Variants in MYO7A observed in about 807,000 individuals in gnomAD.
MYO7A encodes myosin VIIA.
A neutral mutation model predicts 263.8 loss-of-function variants in MYO7A; 210 were observed. That is an observed-to-expected ratio of 0.80 (90% CI 0.71 to 0.89). The LOEUF (loss-of-function observed/expected upper bound fraction) is 0.89, where lower values mean the gene tolerates loss of function less well. Ranked by LOEUF, MYO7A falls within the 40% of genes least tolerant of loss-of-function variation. MYO7A has a pLI of 0.00. For missense variants in MYO7A, 2,820 were observed against 2,968.3 expected, an observed-to-expected ratio of 0.95 and a Z score of 1.16; for synonymous variants, 1,239 against 1,197.3, an observed-to-expected ratio of 1.03 and a Z score of -0.72.
chr11:77,213,988 G>A lies in MYO7A; in HGVS notation c.6558+9G>A, dbSNP rs111033184. The A allele has an allele frequency of 9.6e-5, 155 of 1,613,930 alleles. No homozygotes were observed. In the African/African-American group the frequency reaches 1.2e-3, roughly 12 times the overall value. On this transcript the variant is annotated intron_variant, in intron 48 of 48. Transcript: ENST00000409709. The stretch of plus-strand genomic sequence containing the variant: ...TCTGCGAGACGTCACTGGTGAGGGC[G>A]CATCCTGCTGGGCCTAGTGGGCTCC...
intron 2 of MYO7A, among the ~76,000 whole-genome samples, chr11:77,136,047 T>C (rs1437455272): frequency 6.6e-6 from 1 of 152,244 alleles, no homozygotes; most frequent in East Asian, 1.9e-4. Flanking sequence ...CAATGTCTTT[T>C]AATCTTTAGC....
intron 31 of MYO7A, among the ~76,000 whole-genome samples, chr11:77,193,486 GTGA>G (rs1250380172): frequency 1.4e-5 from 2 of 147,520 alleles, no homozygotes; most frequent in Non-Finnish European, 3.0e-5. Flanking sequence ...GATGATGGTG[GTGA>G]TGGTGGAGGC....
At chr11:77,193,518 A>G (rs1253218156) in intron 31 of MYO7A, among the ~76,000 whole-genome samples, 1 of 135,334 alleles carries the variant, frequency 7.4e-6, no homozygotes, top group Non-Finnish European at 1.6e-5. Flanking sequence ...TGTTGGTGAT[A>G]GTGTTGGCAG....
chr11:77,201,596 G>A lies in MYO7A; in HGVS notation c.5001G>A (p.Val1667=), dbSNP rs775277002. The A allele has an allele frequency of 1.2e-5, 19 of 1,613,800 alleles. No homozygotes were observed. The highest frequency in any genetic ancestry group is 5.3e-5 in the African/African-American group (4 of 74,936). ...KQRGDFPTDS[V]YVMPTVTMPP... ...GTGGGGACTTCCCCACCGACAGTGT[G>A]TACGTCATGCCCACTGTCACCATGC... Residue 1667 remains valine (V), a synonymous_variant, in exon 36 of 49, where the codon GTG becomes GTA. Transcript: ENST00000409709.
At chr11:77,176,002 C>G (rs921266342) in intron 18 of MYO7A, among the ~76,000 whole-genome samples, 1 of 152,344 alleles carries the variant, frequency 6.6e-6, no homozygotes, top group South Asian at 2.1e-4. Flanking sequence ...GAGTCACAGC[C>G]TTGGAGACAT....
At chr11:77,190,547 T>C in intron 29 of MYO7A, 150 bp from the exon 30 acceptor site, 10 of 825,292 alleles carry the variant, frequency 1.2e-5, no homozygotes, top group Non-Finnish European at 1.8e-5. Context: ...CCTGGACACC[T>C]GTGACAGGGA....
chr11:77,130,033 A>G (rs1299593521), intron 1 of MYO7A, among the ~76,000 whole-genome samples: 1 of 150,838 alleles, frequency 6.6e-6, no homozygotes, highest in Non-Finnish European at 1.5e-5. Flanking sequence ...GACAGACCCC[A>G]ATGACCCTGC....
At chr11:77,201,700 C>A in intron 36 of MYO7A, 62 bp downstream of exon 36, 1 of 1,522,182 alleles carries the variant, frequency 6.6e-7, no homozygotes, top group Non-Finnish European at 9.0e-7. Flanking sequence ...TTGTCCACTT[C>A]CCACAGCTGT....
At position 77,198,558 on chromosome 11, in the gene MYO7A, A is replaced by G. The variant is rs757460257; in HGVS notation, c.4505A>G (p.Asp1502Gly). The change falls in exon 34 of 49, where the codon GAT becomes GGT. Residue 1502 changes from aspartate (D) to glycine (G), a missense_variant. By Grantham distance (94) the Asp-to-Gly change is moderately conservative. Transcript: ENST00000409709. ...AVNWTGVYFV[D>G]EQEQVLLELS... ...AACTGGACGGGTGTGTACTTTGTGGATGAGCAGGAGCAGGTACTTCTGGAG... is the reference window on the plus strand; with the variant it reads ...AACTGGACGGGTGTGTACTTTGTGGGTGAGCAGGAGCAGGTACTTCTGGAG... The G allele has an allele frequency of 5.6e-6, 9 of 1,613,818 alleles. No homozygotes were observed. The South Asian group carries it at 8.8e-5, about 16-fold the overall frequency.
In MYO7A at chr11:77,160,255, A is replaced by G. The variant is rs1285672772; in HGVS notation, c.1173A>G (p.Ala391=). 2.5e-6 allele frequency: 4 copies of G among 1,574,970 alleles called. No homozygotes were observed. The highest frequency in any genetic ancestry group is 1.8e-5 in the Admixed American group (1 of 54,732). ...CCACCCCACTGAGCAGGGAACAGGC[A>G]CTGGACGTGCGCGACGCCTTCGTAA... is the stretch of plus-strand genomic sequence containing the variant. ...TVSTPLSREQ[A]LDVRDAFVKG... is the part of the protein sequence containing the mutation. The change falls in exon 11 of 49, where the codon GCA becomes GCG. Residue 391 remains alanine, a synonymous_variant. Transcript: ENST00000409709.
At chr11:77,181,079 G>A (rs1228314006) in intron 22 of MYO7A, among the ~76,000 whole-genome samples, 2 of 152,244 alleles carry the variant, frequency 1.3e-5, no homozygotes, top group Admixed American at 1.3e-4. Flanking sequence ...GGCAACACTG[G>A]TCTAGAGCCT....
At chr11:77,174,665 C>A in intron 16 of MYO7A, 91 bp from the exon 17 acceptor site, 1 of 1,408,854 alleles carries the variant, frequency 7.1e-7, no homozygotes, top group South Asian at 1.3e-5. Context: ...CTTGGCCTTT[C>A]TGAGCCTTTG....
intron 2 of MYO7A, among the ~76,000 whole-genome samples, chr11:77,141,457 T>G (rs1033334947): frequency 4.6e-5 from 7 of 152,202 alleles, no homozygotes; most frequent in African/African-American, 1.7e-4. Context: ...TGTTACATTT[T>G]TTTTTACTTG....
At position 77,155,924 on chromosome 11, in the gene MYO7A, C is replaced by T. The variant is rs1555061440; in HGVS notation, c.303C>T (p.Ile101=). Residue 101 remains isoleucine (I), a synonymous_variant, in exon 5 of 49, where the codon ATC becomes ATT. Coordinates refer to ENST00000409709, the MANE Select transcript of MYO7A (RefSeq NM_000260.4). The part of the protein sequence containing the change: ...DHLIYTYTGS[I]LVAVNPYQLL... ...GCCCGCAGACGTATACGGGCTCCAT[C>T]CTGGTGGCTGTGAACCCCTACCAGC... is the stretch of plus-strand genomic sequence containing the variant. 6.2e-7 allele frequency: 1 copy of T among 1,607,136 alleles called. No individual in the cohort carries two copies. Among genetic ancestry groups the T allele is most frequent in the Non-Finnish European group, 8.5e-7 (1 of 1,176,112 alleles).
chr11:77,137,871 A>G (rs573338012), intron 2 of MYO7A, among the ~76,000 whole-genome samples: 5 of 152,310 alleles, frequency 3.3e-5, no homozygotes, highest in Non-Finnish European at 7.4e-5. Context: ...CTCACTCCCC[A>G]GAGGCAGCCA....
chr11:77,183,155 G>T lies in MYO7A; in HGVS notation c.3373G>T (p.Glu1125Ter). 6.4e-7 allele frequency: 1 copy of T among 1,551,712 alleles called. No homozygotes were observed. Among genetic ancestry groups the T allele is most frequent in the Non-Finnish European group, 8.7e-7 (1 of 1,147,390 alleles). The change falls in exon 26 of 49, where the codon GAG becomes TAG. Residue 1125 changes from glutamate (E) to a stop codon, truncating the protein, a stop_gained and splice_region_variant. Coordinates refer to ENST00000409709, the MANE Select transcript of MYO7A (RefSeq NM_000260.4). LOFTEE classifies it high-confidence loss of function. ...GAAAAAGAAGTCCAAGCTCACAGAG[G>T]AGGTGAGGGCAGACGCTGGGGGTCT... is the stretch of plus-strand genomic sequence containing the variant. The part of the protein sequence containing the change: ...TLKKKSKLTE[E>*]VTKRLHDGES...
chr11:77,167,766 A>G (rs1201583146), intron 15 of MYO7A, among the ~76,000 whole-genome samples: 1 of 151,974 alleles, frequency 6.6e-6, no homozygotes, highest in African/African-American at 2.4e-5. Flanking sequence ...TTCTGAAACA[A>G]TCCACACACC....
intron 2 of MYO7A, among the ~76,000 whole-genome samples, chr11:77,137,998 C>T (rs1159148001): frequency 6.6e-6 from 1 of 152,170 alleles, no homozygotes; most frequent in Non-Finnish European, 1.5e-5. Flanking sequence ...TAGAAAAAAA[C>T]ATGACGATTT....
At position 77,212,957 on chromosome 11, in the gene MYO7A, T is replaced by C. The variant is rs781141265; in HGVS notation, c.6360T>C (p.Thr2120=). 6.3e-7 allele frequency: 1 copy of C among 1,592,758 alleles called. No individual in the cohort carries two copies. Among genetic ancestry groups the C allele is most frequent in the Non-Finnish European group, 8.6e-7 (1 of 1,169,004 alleles). ...CTTCTCATCTTTTTTTCTAGCAAAC[T>C]ACGGAGCCAAACTTCCCTGAGATCC... ...FGSAFFEVKQ[T]TEPNFPEILL... Residue 2120 remains threonine (T), a synonymous_variant, in exon 47 of 49, where the codon ACT becomes ACC. Coordinates refer to ENST00000409709, the MANE Select transcript of MYO7A (RefSeq NM_000260.4).
Sources: allele counts gnomAD v4.1 joint callset (sites outside exome capture counted in the v4.1 genomes callset), GRCh38; gene constraint gnomAD v4.1.1; transcripts MANE v1.5; gene names NCBI Gene and HGNC (gene_info 2026-07-23, HGNC 2026-07-21).